PLD1: variants seen among roughly 807,000 people sequenced by gnomAD.
The protein encoded by PLD1 is choline phosphatase 1.
A neutral mutation model predicts 137.1 loss-of-function variants in PLD1; 112 were observed. The observed-to-expected ratio is 0.82, with a 90% confidence interval of 0.70 to 0.96. The LOEUF is 0.96. PLD1 is among the 40% of genes least tolerant of loss of function. The probability of loss-of-function intolerance (pLI) is 0.00; values close to 1 mark genes in which losing one functional copy is unlikely to be tolerated. For synonymous variants in PLD1, 431 were observed against 454.7 expected, an observed-to-expected ratio of 0.95 and a Z score of 0.66; for missense variants, 1,321 against 1,342.0, an observed-to-expected ratio of 0.98 and a Z score of 0.24.
chr3:171,645,135 C>T (rs558897123), intron 21 of PLD1, 112 bp from the exon 22 acceptor site: 17 of 720,108 alleles, frequency 2.4e-5, no homozygotes, highest in Non-Finnish European at 4.1e-5. Context: ...TGGCTTCCTA[C>T]AACACGTTCT....
intron 1 of PLD1, among the ~76,000 whole-genome samples, chr3:171,794,783 T>C (rs1723362591): frequency 6.6e-6 from 1 of 152,096 alleles, no homozygotes; most frequent in Non-Finnish European, 1.5e-5. Context: ...AATTATACAA[T>C]AATATAAAAA....
chr3:171,764,976 AAG>A (rs1721861668), intron 1 of PLD1, among the ~76,000 whole-genome samples: 1 of 76,022 alleles, frequency 1.3e-5, no homozygotes, highest in African/African-American at 3.5e-5. Context: ...GAAAGAAAGA[AAG>A]AAAGAAAGAA....
intron 16 of PLD1, among the ~76,000 whole-genome samples, chr3:171,685,134 T>C (rs941928513): frequency 3.3e-5 from 5 of 152,222 alleles, no homozygotes; most frequent in African/African-American, 9.6e-5. Context: ...TTGCAACTTT[T>C]TTTAGCTCAT....
chr3:171,792,534 A>C (rs1381162955), intron 1 of PLD1: 2 of 455,606 alleles, frequency 4.4e-6, no homozygotes, highest in Admixed American at 4.7e-5. Flanking sequence ...CTCGCTGAGC[A>C]AACCAGGGGA....
intron 25 of PLD1, among the ~76,000 whole-genome samples, chr3:171,611,274 C>T (rs1398239533): frequency 1.3e-5 from 2 of 152,044 alleles, no homozygotes; most frequent in African/African-American, 2.4e-5. Flanking sequence ...GTTCCACAGC[C>T]GGTGGGGAAA....
chr3:171,609,553 C>A (rs1006654999), intron 25 of PLD1, among the ~76,000 whole-genome samples: 1 of 136,102 alleles, frequency 7.3e-6, no homozygotes, highest in Non-Finnish European at 1.6e-5. Flanking sequence ...CACACACACA[C>A]ACCAGAGAAA....
chr3:171,743,583 CACA>C (rs1719932369), intron 1 of PLD1, among the ~76,000 whole-genome samples: 2 of 152,210 alleles, frequency 1.3e-5, no homozygotes, highest in African/African-American at 4.8e-5. Context: ...CCACTTTTCT[CACA>C]ACAGTGGCTC....
At chr3:171,714,935 CAT>C (rs1717558352) in intron 8 of PLD1, among the ~76,000 whole-genome samples, 2 of 152,160 alleles carry the variant, frequency 1.3e-5, no homozygotes, top group South Asian at 2.1e-4. Context: ...ATGACACACT[CAT>C]GTGGGTGTAA....
chr3:171,769,643 C>T (rs932988215), intron 1 of PLD1, among the ~76,000 whole-genome samples: 4 of 152,276 alleles, frequency 2.6e-5, no homozygotes. Context: ...AAATACAGTC[C>T]ACTTTGTAAT....
chr3:171,700,913 T>A (rs1330616562), intron 11 of PLD1, among the ~76,000 whole-genome samples: 1 of 152,144 alleles, frequency 6.6e-6, no homozygotes, highest in East Asian at 1.9e-4. Context: ...TTCCCTGTAG[T>A]TAGAAAAAAG....
At chr3:171,705,891 G>A (rs1716641604) in intron 11 of PLD1, among the ~76,000 whole-genome samples, 2 of 152,252 alleles carry the variant, frequency 1.3e-5, no homozygotes, top group Non-Finnish European at 2.9e-5. Flanking sequence ...GACTGTTTTA[G>A]TATGGCCTGT....
intron 8 of PLD1, among the ~76,000 whole-genome samples, chr3:171,724,085 C>T (rs57610465): frequency 2.0e-5 from 3 of 152,280 alleles, no homozygotes; most frequent in East Asian, 1.9e-4. Flanking sequence ...ATCCATAATA[C>T]TGCTATTATA....
At chr3:171,689,201 T>C (rs1714886351) in intron 13 of PLD1, among the ~76,000 whole-genome samples, 1 of 151,814 alleles carries the variant, frequency 6.6e-6, no homozygotes. Context: ...AGGATTATGT[T>C]AAATCTGGTA....
At chr3:171,613,798 G>A (rs1472025670) in intron 24 of PLD1, among the ~76,000 whole-genome samples, 1 of 152,034 alleles carries the variant, frequency 6.6e-6, no homozygotes, top group Non-Finnish European at 1.5e-5. Context: ...CCTCTGCTGT[G>A]TATTCAGGAA....
At chr3:171,626,186 C>A (rs189697241) in intron 23 of PLD1, among the ~76,000 whole-genome samples, 1 of 152,004 alleles carries the variant, frequency 6.6e-6, no homozygotes, top group African/African-American at 2.4e-5. Flanking sequence ...AGCCAAGGCT[C>A]GAGAACTACA....
intron 25 of PLD1, among the ~76,000 whole-genome samples, chr3:171,609,018 A>G (rs1179714150): frequency 6.6e-6 from 1 of 152,192 alleles, no homozygotes; most frequent in Non-Finnish European, 1.5e-5. Context: ...CACATATTTA[A>G]AATACTTATA....
Position 171,642,862 on chromosome 3 carries a change from G to C in PLD1, c.2571C>G (p.Ile857Met). ...YRTMCRGENS[I>M]LGQLKAELGN... is the part of the protein sequence containing the mutation. ...TACGCTCTGCTTTTAACTGTCCAAGGATGGAATTTTCTCCTCTGCACATGG... is the reference window on the plus strand; with the variant it reads ...TACGCTCTGCTTTTAACTGTCCAAGCATGGAATTTTCTCCTCTGCACATGG... Residue 857 changes from isoleucine (I) to methionine (M), a missense_variant, in exon 23 of 27, where the codon ATC becomes ATG. Physicochemically the swap from Ile to Met is conservative, Grantham distance 10 (BLOSUM62 1). Transcript: ENST00000351298. 1 of 1,590,284 alleles carries C rather than the reference G, an allele frequency of 6.3e-7. No individual in the cohort carries two copies. The highest frequency in any genetic ancestry group is 1.1e-5 in the South Asian group (1 of 88,226).
chr3:171,726,788 T>G (rs1017230067), intron 6 of PLD1, among the ~76,000 whole-genome samples: 1 of 152,190 alleles, frequency 6.6e-6, no homozygotes, highest in Non-Finnish European at 1.5e-5. Context: ...TGAGTTGGTG[T>G]TATGCTAACC....
At chr3:171,605,507 A>T (rs2108252535) in intron 25 of PLD1, 91 bp from the exon 26 acceptor site, 5 of 753,172 alleles carry the variant, frequency 6.6e-6, no homozygotes, top group Non-Finnish European at 1.2e-5. Flanking sequence ...TATATATGCA[A>T]ATATATATAT....
Sources: gnomAD v4.1 joint callset for allele counts (sites outside exome capture counted in the v4.1 genomes callset) on GRCh38, gnomAD v4.1.1 for gene constraint, MANE v1.5 for transcripts, NCBI Gene and HGNC (gene_info 2026-07-23, HGNC 2026-07-21) for gene names.